Variants in STX8 observed in about 807,000 individuals in gnomAD.
The protein encoded by STX8 is syntaxin-8.
A neutral mutation model predicts 37.5 loss-of-function variants in STX8; 23 were observed. The observed-to-expected ratio is 0.61, with a 90% CI of 0.44 to 0.87. The LOEUF is 0.87. Among genes scored for constraint, STX8 ranks in the 40% least tolerant of loss-of-function variants. The probability of loss-of-function intolerance (pLI) is 0.00; values close to 1 mark genes in which losing one functional copy is unlikely to be tolerated. For missense variants in STX8, 313 were observed against 284.7 expected (o/e 1.10, Z -0.71); for synonymous variants, 115 against 99.1 (o/e 1.16, Z -0.95).
intron 7 of STX8, among the ~76,000 whole-genome samples, chr17:9,262,583 T>C (rs1393417778): frequency 1.4e-5 from 2 of 143,400 alleles, no homozygotes; most frequent in East Asian, 4.6e-4. Context: ...TGTTTTGTTT[T>C]GTTTTTTTGT....
intron 5 of STX8, among the ~76,000 whole-genome samples, chr17:9,497,609 C>T (rs35116890): frequency 0.26 from 39,349 of 151,772 alleles, 5,243 homozygotes; most frequent in South Asian, 0.38. Context: ...TACTATTACA[C>T]GTTTGAAATT....
At chr17:9,517,632 T>C (rs1192669251) in intron 4 of STX8, among the ~76,000 whole-genome samples, 1 of 151,964 alleles carries the variant, frequency 6.6e-6, no homozygotes, top group Non-Finnish European at 1.5e-5. Flanking sequence ...ACCCAAGGCA[T>C]TTCCTTTCTA....
chr17:9,399,371 G>A (rs1315313547), intron 6 of STX8, among the ~76,000 whole-genome samples: 1 of 152,164 alleles, frequency 6.6e-6, no homozygotes, highest in African/African-American at 2.4e-5. Flanking sequence ...TGTTACTAAA[G>A]GTGAAGCTCA....
chr17:9,385,907 G>C (rs1476423401), intron 6 of STX8, among the ~76,000 whole-genome samples: 2 of 152,138 alleles, frequency 1.3e-5, no homozygotes, highest in Non-Finnish European at 2.9e-5. Context: ...TGAGTAGCTG[G>C]GATTTACAGG....
chr17:9,368,494 AAAAC>A (rs372111521), intron 7 of STX8, among the ~76,000 whole-genome samples: 128 of 152,234 alleles, frequency 8.4e-4, no homozygotes, highest in African/African-American at 2.7e-3. Context: ...CTCCATCTCA[AAAAC>A]AAACAAACAA....
rs149866084 is a variant in STX8 at position 9,360,796 on chromosome 17, G to A, written c.643+17756C>T. ...GTCAAAGAACATTTGGAGGCTGCTC[G>A]GTAGACATGCACTCTCTCAAGGACA... On this transcript the variant is annotated intron_variant, in intron 7 of 7. Coordinates refer to ENST00000306357, the MANE Select transcript of STX8 (RefSeq NM_004853.3). Among the ~76,000 whole-genome samples the A allele has an allele frequency of 1.6e-3, 250 of 152,138 alleles. 1 individual carries two copies. The highest frequency in any genetic ancestry group is 5.7e-3 in the African/African-American group (235 of 41,526).
At chr17:9,344,566 T>G (rs991260839) in intron 7 of STX8, among the ~76,000 whole-genome samples, 1 of 152,074 alleles carries the variant, frequency 6.6e-6, no homozygotes, top group African/African-American at 2.4e-5. Flanking sequence ...TCTTCCTTTC[T>G]TTGCTCTCTT....
intron 7 of STX8, among the ~76,000 whole-genome samples, chr17:9,263,740 C>T (rs1049388166): frequency 1.5e-4 from 23 of 152,328 alleles, no homozygotes; most frequent in African/African-American, 5.5e-4. Flanking sequence ...TAGATTCCTA[C>T]ATATGGAATC....
intron 6 of STX8, among the ~76,000 whole-genome samples, chr17:9,458,149 CTTTTAA>C (rs1319984819): frequency 2.0e-5 from 3 of 152,098 alleles, no homozygotes; most frequent in South Asian, 2.1e-4. Context: ...AATATGCTGG[CTTTTAA>C]TTTTATTTTT....
chr17:9,294,323 T>C (rs1029277129), intron 7 of STX8, among the ~76,000 whole-genome samples: 4 of 152,254 alleles, frequency 2.6e-5, no homozygotes, highest in Non-Finnish European at 5.9e-5. Context: ...ACTCGTATTT[T>C]CTGAGCCCTT....
rs72816157 is a variant in STX8 at position 9,378,392 on chromosome 17, A to C, written c.643+160T>G. 5,708 of 618,302 alleles carry C rather than the reference A, an allele frequency of 9.2e-3. 45 individuals carry two copies. The highest frequency in any genetic ancestry group is 0.012 in the Non-Finnish European group (4,086 of 342,824). 38.3% of individuals were successfully genotyped at this position (618,302 alleles called of 1,614,324 possible). On this transcript the variant is annotated intron_variant, in intron 7 of 7. Transcript: ENST00000306357. Reference sequence around the variant, plus strand: ...TTGAACTCCATTTCATTTTGACCAGATTTAACCATTGTTTAGCAATTTCAG... The same window carrying C: ...TTGAACTCCATTTCATTTTGACCAGCTTTAACCATTGTTTAGCAATTTCAG...
At chr17:9,322,650 CT>C (rs1341636430) in intron 7 of STX8, among the ~76,000 whole-genome samples, 2 of 152,008 alleles carry the variant, frequency 1.3e-5, no homozygotes, top group Non-Finnish European at 2.9e-5. Context: ...TTGTATGCTT[CT>C]TGTCCAGAGT....
chr17:9,342,613 G>C (rs1434530076), intron 7 of STX8, among the ~76,000 whole-genome samples: 1 of 152,200 alleles, frequency 6.6e-6, no homozygotes, highest in Non-Finnish European at 1.5e-5. Context: ...TGGGTTTCAA[G>C]TGTGTGTGGC....
At chr17:9,326,773 G>A (rs1038206556) in intron 7 of STX8, among the ~76,000 whole-genome samples, 3 of 152,202 alleles carry the variant, frequency 2.0e-5, no homozygotes, top group Non-Finnish European at 4.4e-5. Context: ...CAGGGTCATG[G>A]CTGACATTCC....
intron 6 of STX8, among the ~76,000 whole-genome samples, chr17:9,409,633 A>T (rs1567548085): frequency 6.6e-6 from 1 of 152,186 alleles, no homozygotes; most frequent in Non-Finnish European, 1.5e-5. Context: ...CCAAAACAGC[A>T]CACTTTAATG....
chr17:9,413,238 C>T (rs2142336615), intron 6 of STX8, among the ~76,000 whole-genome samples: 1 of 152,308 alleles, frequency 6.6e-6, no homozygotes, highest in African/African-American at 2.4e-5. Context: ...AAATTCTTTG[C>T]TCACAGGCAG....
chr17:9,476,397 T>C (rs1487922814), intron 6 of STX8, among the ~76,000 whole-genome samples: 1 of 152,216 alleles, frequency 6.6e-6, no homozygotes, highest in Non-Finnish European at 1.5e-5. Context: ...CTCACAATTC[T>C]TGAGGCTAGA....
chr17:9,508,617 C>T (rs145074859), intron 4 of STX8, among the ~76,000 whole-genome samples: 95 of 152,286 alleles, frequency 6.2e-4, no homozygotes, highest in African/African-American at 2.3e-3. Flanking sequence ...GTGTGAGCCA[C>T]CATGCGTGGC....
intron 6 of STX8, among the ~76,000 whole-genome samples, chr17:9,481,912 C>T (rs1906365618): frequency 6.6e-6 from 1 of 152,092 alleles, no homozygotes; most frequent in Admixed American, 6.6e-5. Context: ...CTGAAACTAC[C>T]CCCCATCCTG....
Sources: allele counts gnomAD v4.1 joint callset (sites outside exome capture counted in the v4.1 genomes callset), GRCh38; gene constraint gnomAD v4.1.1; transcripts MANE v1.5; gene names NCBI Gene and HGNC (gene_info 2026-07-23, HGNC 2026-07-21).